The following PCCA variants were observed in gnomAD, a reference collection of about 807,000 sequenced individuals.
PCCA encodes propionyl-CoA carboxylase subunit alpha.
Under a neutral mutation model 101.3 loss-of-function variants are expected in PCCA, and 74 were observed. That is an observed-to-expected ratio of 0.73 (90% CI 0.61 to 0.89). PCCA has a LOEUF of 0.89. PCCA is among the 40% of genes least tolerant of loss of function. The probability of loss-of-function intolerance (pLI) is 0.00; values close to 1 mark genes in which losing one functional copy is unlikely to be tolerated. For synonymous variants in PCCA, 294 were observed against 313.6 expected (o/e 0.94, Z 0.66); for missense variants, 891 against 907.0 (o/e 0.98, Z 0.23).
intron 21 of PCCA, among the ~76,000 whole-genome samples, chr13:100,452,503 G>A (rs1386300805): frequency 6.6e-6 from 1 of 152,124 alleles, no homozygotes; most frequent in East Asian, 1.9e-4. Flanking sequence ...AAGAACATCT[G>A]CCCCTACATG....
At chr13:100,261,348 GT>G (rs962282188) in intron 9 of PCCA, among the ~76,000 whole-genome samples, 32 of 147,278 alleles carry the variant, frequency 2.2e-4, no homozygotes, top group African/African-American at 5.7e-4. Flanking sequence ...GCAAGTTTGG[GT>G]TTTTTTTTTA....
intron 7 of PCCA, among the ~76,000 whole-genome samples, chr13:100,228,947 T>C (rs2060312512): frequency 6.6e-6 from 1 of 151,886 alleles, no homozygotes; most frequent in South Asian, 2.1e-4. Flanking sequence ...AAATAAAGTT[T>C]AACCTTTTAC....
At chr13:100,119,768 T>C (rs1015916052) in intron 4 of PCCA, among the ~76,000 whole-genome samples, 1 of 152,170 alleles carries the variant, frequency 6.6e-6, no homozygotes, top group African/African-American at 2.4e-5. Flanking sequence ...CTGTTTCCTT[T>C]CTCTGATCGT....
At chr13:100,520,605 A>C (rs12560555) in intron 22 of PCCA, among the ~76,000 whole-genome samples, 40,521 of 138,018 alleles carry the variant, frequency 0.29, 5,642 homozygotes, top group African/African-American at 0.36. Flanking sequence ...ACAGCACTCC[A>C]GCCTGGGCGA....
intron 20 of PCCA, among the ~76,000 whole-genome samples, chr13:100,441,911 A>G (rs1168935736): frequency 6.6e-6 from 1 of 152,138 alleles, no homozygotes; most frequent in East Asian, 1.9e-4. Flanking sequence ...CTGCTAGGGA[A>G]GATTGAAATA....
At chr13:100,098,954 T>C (rs6491544) in intron 1 of PCCA, among the ~76,000 whole-genome samples, 75,081 of 151,960 alleles carry the variant, frequency 0.49, 20,171 homozygotes, top group East Asian at 0.71. Context: ...TTACAATGCA[T>C]GATGAAATAC....
chr13:100,499,162 A>AG, intron 21 of PCCA, among the ~76,000 whole-genome samples: 1 of 152,330 alleles, frequency 6.6e-6, no homozygotes, highest in South Asian at 2.1e-4. Flanking sequence ...GGCTCAGCAT[A>AG]GCACTCTCTC....
At chr13:100,275,296 G>T (rs2063569540) in intron 12 of PCCA, among the ~76,000 whole-genome samples, 1 of 152,156 alleles carries the variant, frequency 6.6e-6, no homozygotes, top group Non-Finnish European at 1.5e-5. Context: ...ATGGGTGCAG[G>T]AGGGCTGTTT....
At chr13:100,403,466 G>A (rs1184382573) in intron 19 of PCCA, among the ~76,000 whole-genome samples, 2 of 152,100 alleles carry the variant, frequency 1.3e-5, no homozygotes, top group Non-Finnish European at 2.9e-5. Flanking sequence ...TTCCAATCAC[G>A]GTGGAAGGCC....
chr13:100,297,790 G>A (rs562556428), intron 12 of PCCA, among the ~76,000 whole-genome samples: 2 of 152,240 alleles, frequency 1.3e-5, no homozygotes, highest in South Asian at 4.1e-4. Context: ...CTATAATATG[G>A]CATTTGATAA....
At chr13:100,307,304 T>C in intron 15 of PCCA, 44 bp downstream of exon 15, 1 of 1,293,614 alleles carries the variant, frequency 7.7e-7, no homozygotes, top group Non-Finnish European at 1.1e-6. Flanking sequence ...CTTCGAAAAA[T>C]CAATGATATT....
intron 6 of PCCA, among the ~76,000 whole-genome samples, chr13:100,167,788 C>A (rs1285699975): frequency 1.3e-5 from 2 of 152,062 alleles, no homozygotes; most frequent in Non-Finnish European, 2.9e-5. Flanking sequence ...CTTTGAATTG[C>A]CTTGGCACCC....
intron 21 of PCCA, among the ~76,000 whole-genome samples, chr13:100,507,662 TTTTCTTTTTC>T (rs2086180824): frequency 6.6e-6 from 1 of 152,198 alleles, no homozygotes; most frequent in South Asian, 2.1e-4. Context: ...CTTTCTTTTC[TTTTCTTTTTC>T]TTGAGACAGA....
At chr13:100,194,498 A>C (rs1205354845) in intron 6 of PCCA, among the ~76,000 whole-genome samples, 1 of 151,970 alleles carries the variant, frequency 6.6e-6, no homozygotes, top group Non-Finnish European at 1.5e-5. Flanking sequence ...GCTCACTGCA[A>C]CCTCCGCCTC....
intron 19 of PCCA, among the ~76,000 whole-genome samples, chr13:100,389,252 T>C (rs1224214995): frequency 5.3e-5 from 8 of 151,894 alleles, no homozygotes; most frequent in Non-Finnish European, 1.2e-4. Context: ...CACAGGAGGT[T>C]TGGGGGAGGG....
chr13:100,459,183 C>T (rs990393472), intron 21 of PCCA, among the ~76,000 whole-genome samples: 3 of 152,170 alleles, frequency 2.0e-5, no homozygotes, highest in African/African-American at 7.2e-5. Flanking sequence ...CACCAGTCAT[C>T]AGATTTAAGG....
At chr13:100,372,688 C>T (rs2075646801) in intron 19 of PCCA, among the ~76,000 whole-genome samples, 1 of 152,094 alleles carries the variant, frequency 6.6e-6, no homozygotes, top group African/African-American at 2.4e-5. Context: ...AGTGAGAAGG[C>T]AACCCACAGA....
intron 18 of PCCA, among the ~76,000 whole-genome samples, chr13:100,340,553 T>C (rs915138137): frequency 6.6e-6 from 1 of 152,254 alleles, no homozygotes; most frequent in Non-Finnish European, 1.5e-5. Context: ...TTATGATTTC[T>C]GTTTTATTTA....
At chr13:100,418,630 C>T (rs546705744) in intron 19 of PCCA, among the ~76,000 whole-genome samples, 29 of 152,122 alleles carry the variant, frequency 1.9e-4, no homozygotes, top group Non-Finnish European at 3.7e-4. Context: ...ATCAGGAGTT[C>T]GAGACCAGCC....
Sources: allele counts gnomAD v4.1 joint callset (sites outside exome capture counted in the v4.1 genomes callset), GRCh38; gene constraint gnomAD v4.1.1; transcripts MANE v1.5; gene names NCBI Gene and HGNC (gene_info 2026-07-23, HGNC 2026-07-21).